The following SH3RF3 variants were observed in gnomAD, a reference collection of about 807,000 sequenced individuals.
SH3RF3 encodes the protein E3 ubiquitin-protein ligase SH3RF3.
In SH3RF3, 29 loss-of-function variants were observed where a neutral mutation model predicts 66.3. That is an observed-to-expected ratio of 0.44 (90% confidence interval 0.33 to 0.60). The LOEUF (loss-of-function observed/expected upper bound fraction) is 0.60. SH3RF3 is among the 20% of genes least tolerant of loss of function. The probability of loss-of-function intolerance (pLI) is 0.04; values close to 1 mark genes in which losing one functional copy is unlikely to be tolerated. For synonymous variants in SH3RF3, 583 were observed against 532.0 expected, an observed-to-expected ratio of 1.10 and a Z score of -1.32; for missense variants, 1,194 against 1,190.9, an observed-to-expected ratio of 1.00 and a Z score of -0.04.
At chr2:109,179,002 A>AGTGTGTGTGTGTGT (rs1558942597) in intron 1 of SH3RF3, among the ~76,000 whole-genome samples, 3 of 47,174 alleles carry the variant, frequency 6.4e-5, no homozygotes, top group Non-Finnish European at 1.8e-4. Flanking sequence ...AAAGTATAAT[A>AGTGTGTGTGTGTGT]ATGTGTGTGT....
At chr2:109,218,154 TA>T (rs57642489) in intron 1 of SH3RF3, among the ~76,000 whole-genome samples, 56,793 of 148,666 alleles carry the variant, frequency 0.38, 12,055 homozygotes, top group East Asian at 0.8. Flanking sequence ...TCTGTTCTAT[TA>T]AAAAAAAAAA....
chr2:109,367,259 C>T (rs1245095867), intron 2 of SH3RF3, among the ~76,000 whole-genome samples: 20 of 148,828 alleles, frequency 1.3e-4, no homozygotes, highest in South Asian at 4.3e-4. Context: ...CCACTGTGCC[C>T]GTCTTGTTTT....
chr2:109,472,193 G>C (rs1678534630), intron 8 of SH3RF3, among the ~76,000 whole-genome samples: 1 of 152,226 alleles, frequency 6.6e-6, no homozygotes. Context: ...GCAGTCCCCA[G>C]TTAAAAATTA....
chr2:109,272,629 C>G (rs1041785985), intron 1 of SH3RF3, among the ~76,000 whole-genome samples: 1 of 152,216 alleles, frequency 6.6e-6, no homozygotes, highest in Non-Finnish European at 1.5e-5. Context: ...CACATGCTTC[C>G]GCACAGACAC....
intron 8 of SH3RF3, among the ~76,000 whole-genome samples, chr2:109,456,362 C>G (rs1678058879): frequency 6.6e-6 from 1 of 152,218 alleles, no homozygotes; most frequent in African/African-American, 2.4e-5. Flanking sequence ...GAAAATGAAC[C>G]CATCCTGAAA....
chr2:109,422,590 C>G lies in SH3RF3; in HGVS notation c.1403+2948C>G, dbSNP rs142863539. Among the ~76,000 whole-genome samples, 99 of 129,204 alleles carry G rather than the reference C, an allele frequency of 7.7e-4. 1 individual carries two copies. In the South Asian group the frequency reaches 0.023, roughly 30 times the overall value. 84.8% of individuals were successfully genotyped at this position (129,204 alleles called of 152,430 possible). A position where few individuals can be genotyped will look rare whatever the true frequency, so the allele number is the denominator to read the frequency against. ...AGAGACGTCTCTCATTCCTGCACCC[C>G]CTTTCCACCCCCTGCTGTGTTGGGC... On this transcript the variant is annotated intron_variant, in intron 5 of 9. Transcript: ENST00000309415.
At chr2:109,140,846 A>G (rs1173732963) in intron 1 of SH3RF3, among the ~76,000 whole-genome samples, 2 of 152,198 alleles carry the variant, frequency 1.3e-5, no homozygotes, top group African/African-American at 4.8e-5. Context: ...TAGACTATCA[A>G]CACCTACACA....
intron 7 of SH3RF3, among the ~76,000 whole-genome samples, chr2:109,439,760 A>C (rs1371179408): frequency 6.6e-6 from 1 of 152,106 alleles, no homozygotes; most frequent in Admixed American, 6.5e-5. Context: ...AGCTAGATAC[A>C]GGCAAGGCAC....
rs1682055628 is a variant in SH3RF3 at position 109,322,733 on chromosome 2, C to G, written c.574-24941C>G. 2.0e-5 allele frequency among the ~76,000 whole-genome samples: 3 copies of G among 152,318 alleles called. No homozygotes were observed. The South Asian group carries it at 6.2e-4, about 32-fold the overall frequency. On this transcript the variant is annotated intron_variant, in intron 1 of 9. Coordinates refer to ENST00000309415, the MANE Select transcript of SH3RF3 (RefSeq NM_001099289.3). ...TCTAATTCATTAAGAGGTAGATGAT[C>G]AGCTCATATTTTGCTTTTCCAGCAA...
intron 1 of SH3RF3, among the ~76,000 whole-genome samples, chr2:109,262,188 TA>T (rs1402042545): frequency 2.0e-5 from 3 of 152,162 alleles, no homozygotes; most frequent in Non-Finnish European, 4.4e-5. Flanking sequence ...TGTATTTGTC[TA>T]ACAGTCTTAT....
At chr2:109,225,458 A>G (rs1046402581) in intron 1 of SH3RF3, among the ~76,000 whole-genome samples, 1 of 152,196 alleles carries the variant, frequency 6.6e-6, no homozygotes, top group Non-Finnish European at 1.5e-5. Flanking sequence ...CTTTAAAGAT[A>G]CAGGCCAGGC....
chr2:109,501,894 C>T lies in SH3RF3; in HGVS notation c.*223C>T. The T allele has an allele frequency of 3.9e-6, 2 of 518,862 alleles. No homozygotes were observed. Among genetic ancestry groups the T allele is most frequent in the Non-Finnish European group, 3.5e-6 (1 of 289,780 alleles). The allele number at this position is 518,862 out of a possible 1,614,324, so 32.1% of individuals were successfully genotyped here. On this transcript the variant is annotated 3_prime_UTR_variant, in exon 10 of 10. Coordinates refer to ENST00000309415, the MANE Select transcript of SH3RF3 (RefSeq NM_001099289.3). ...ACCTGGGATGTTCTTCAAGGAAATG[C>T]CCACCCCCTCTGTGGAAACTGCAAA...
chr2:109,456,784 G>A (rs1223297940), intron 8 of SH3RF3, among the ~76,000 whole-genome samples: 1 of 152,202 alleles, frequency 6.6e-6, no homozygotes, highest in East Asian at 1.9e-4. Context: ...AACGAGTAGG[G>A]CACTGGGAAT....
At chr2:109,453,894 G>A (rs144737286) in intron 8 of SH3RF3, among the ~76,000 whole-genome samples, 1 of 152,332 alleles carries the variant, frequency 6.6e-6, no homozygotes, top group Non-Finnish European at 1.5e-5. Flanking sequence ...CTGAGCAGAG[G>A]CCAGGGGACA....
At chr2:109,372,127 G>C (rs2105685288) in intron 3 of SH3RF3, among the ~76,000 whole-genome samples, 1 of 152,344 alleles carries the variant, frequency 6.6e-6, no homozygotes, top group Non-Finnish European at 1.5e-5. Flanking sequence ...CATCTGCAAA[G>C]TCCTCCTTGG....
At chr2:109,460,905 G>A (rs762171524) in intron 8 of SH3RF3, among the ~76,000 whole-genome samples, 1 of 152,184 alleles carries the variant, frequency 6.6e-6, no homozygotes, top group Non-Finnish European at 1.5e-5. Flanking sequence ...CCTCAGGGAT[G>A]TCCCAGAGAG....
rs371369296 is a variant in SH3RF3, at chr2:109,152,970, CATT to C, written c.573+22858_573+22860del. The stretch of plus-strand genomic sequence containing the variant: ...GAAAGGCAGTACTTTAGTGTGAAGT[CATT>C]GTTGTTATGATGCAGCTGAGTTTGA... On this transcript the variant is annotated intron_variant, in intron 1 of 9. Transcript: ENST00000309415. Among the ~76,000 whole-genome samples the C allele has an allele frequency of 1.5e-4, 23 of 152,306 alleles. 1 individual carries two copies. Among genetic ancestry groups the C allele is most frequent in the African/African-American group, 4.8e-4 (20 of 41,570 alleles).
At chr2:109,197,119 G>C (rs1318508258) in intron 1 of SH3RF3, among the ~76,000 whole-genome samples, 1 of 152,334 alleles carries the variant, frequency 6.6e-6, no homozygotes, top group Admixed American at 6.5e-5. Flanking sequence ...AGAGGCAGAG[G>C]TTGGGTTTGA....
At chr2:109,189,901 C>A (rs890077563) in intron 1 of SH3RF3, among the ~76,000 whole-genome samples, 3 of 152,272 alleles carry the variant, frequency 2.0e-5, no homozygotes, top group South Asian at 4.1e-4. Flanking sequence ...ATCATACTTT[C>A]TGCACTTGAT....
Sources: allele counts gnomAD v4.1 joint callset (sites outside exome capture counted in the v4.1 genomes callset), GRCh38; gene constraint gnomAD v4.1.1; transcripts MANE v1.5; gene names NCBI Gene and HGNC (gene_info 2026-07-23, HGNC 2026-07-21).